The following OTOG variants were observed in gnomAD, a reference collection of about 807,000 sequenced individuals.
The protein encoded by OTOG is otogelin.
A neutral mutation model predicts 313.8 loss-of-function variants in OTOG; 296 were observed. That is an observed-to-expected ratio of 0.94 (90% CI 0.86 to 1.04). OTOG has a LOEUF of 1.04. OTOG is among the 50% of genes least tolerant of loss of function. The probability of loss-of-function intolerance (pLI) is 0.00; values close to 1 mark genes in which losing one functional copy is unlikely to be tolerated. For synonymous variants in OTOG, 1,533 were observed against 1,554.9 expected (o/e 0.99, Z 0.33); for missense variants, 3,948 against 3,840.1 (o/e 1.03, Z -0.74).
Position 17,641,680 on chromosome 11 carries a change from A to G in OTOG, c.8191-167A>G, listed in dbSNP as rs142582530. Among the ~76,000 whole-genome samples, 6 of 152,234 alleles carry G rather than the reference A, an allele frequency of 3.9e-5. No homozygotes were observed. The East Asian group carries it at 1.2e-3, about 29-fold the overall frequency. ...GCTGTAAGGGAGGCTCAGGGTAGAT[A>G]CAGGGATGATTAGCTGCCTGTGACA... On this transcript the variant is annotated intron_variant, in intron 51 of 55. Transcript: ENST00000399397.
At chr11:17,617,615 G>T (rs534174927) in intron 39 of OTOG, among the ~76,000 whole-genome samples, 5 of 152,126 alleles carry the variant, frequency 3.3e-5, no homozygotes, top group African/African-American at 4.8e-5. Context: ...ATATATTCTT[G>T]CTATACTTTT....
At chr11:17,618,477 G>T (rs1022531505) in intron 39 of OTOG, among the ~76,000 whole-genome samples, 1 of 152,034 alleles carries the variant, frequency 6.6e-6, no homozygotes. Context: ...TTTACATTTA[G>T]TAAGATTTAT....
chr11:17,634,739 TG>T, intron 44 of OTOG, 104 bp from the exon 45 acceptor site: 1 of 901,380 alleles, frequency 1.1e-6, no homozygotes, highest in Non-Finnish European at 1.7e-6. Context: ...GGGGGAGGAG[TG>T]GGGCCAGGCG....
At chr11:17,637,766 G>A (rs529391103) in intron 47 of OTOG, among the ~76,000 whole-genome samples, 1 of 152,190 alleles carries the variant, frequency 6.6e-6, no homozygotes, top group African/African-American at 2.4e-5. Flanking sequence ...CCATAAAAAT[G>A]CCCTCCCTCA....
At chr11:17,587,938 C>T (rs1361317460) in intron 24 of OTOG, among the ~76,000 whole-genome samples, 1 of 152,148 alleles carries the variant, frequency 6.6e-6, no homozygotes, top group African/African-American at 2.4e-5. Flanking sequence ...GGACTCCAGC[C>T]CCTGTAGCAG....
rs953872223 is a variant in OTOG at position 17,635,604 on chromosome 11, C to T, written c.7694-6C>T. On this transcript the variant is annotated splice_polypyrimidine_tract_variant and splice_region_variant and intron_variant, in intron 46 of 55. Coordinates refer to ENST00000399397, the MANE Select transcript of OTOG (RefSeq NM_001292063.2). Reference sequence around the variant, plus strand: ...CTGTGACAGCATTGACCCTCTTCCCCCTCAGCCTGTGGTGACTGTCCAGAC... The same window carrying T: ...CTGTGACAGCATTGACCCTCTTCCCTCTCAGCCTGTGGTGACTGTCCAGAC... The T allele has an allele frequency of 1.3e-6, 2 of 1,549,166 alleles. No homozygotes were observed. Among genetic ancestry groups the T allele is most frequent in the African/African-American group, 2.7e-5 (2 of 73,022 alleles).
At chr11:17,548,331 C>G in intron 3 of OTOG, 119 bp downstream of exon 3, 1 of 741,256 alleles carries the variant, frequency 1.3e-6, no homozygotes, top group Admixed American at 3.3e-5. Context: ...CAGAAAGGAA[C>G]AAGCAGATTC....
At chr11:17,606,735 G>A (rs768481595) in intron 33 of OTOG, among the ~76,000 whole-genome samples, 1 of 152,214 alleles carries the variant, frequency 6.6e-6, no homozygotes, top group Non-Finnish European at 1.5e-5. Flanking sequence ...CTTGCATGGG[G>A]CTTGGGGGTA....
In OTOG at chr11:17,593,723, C is replaced by G; in HGVS notation, c.3255C>G (p.Thr1085=). Residue 1085 remains threonine, a synonymous_variant, in exon 27 of 56, where the codon ACC becomes ACG. Transcript: ENST00000399397. ...EHITLLWDQR[T]TVHVQAGPQW... ...TCACCCTCTTGTGGGACCAGAGAAC[C>G]ACAGTGCACGTCCAGGCTGGGCCTC... 6.5e-7 allele frequency: 1 copy of G among 1,548,770 alleles called. No individual in the cohort carries two copies.
At position 17,559,192 on chromosome 11, in the gene OTOG, G is replaced by A. The variant is rs1372865835; in HGVS notation, c.1213+31G>A. ...TGCAGCCCAGTAGTGGGGCAGGGAG[G>A]CCTTCAGGCTGTGGGTGGCATTCTC... is the stretch of plus-strand genomic sequence containing the variant. On this transcript the variant is annotated intron_variant, in intron 11 of 55. Transcript: ENST00000399397. 7 of 1,477,054 alleles carry A rather than the reference G, an allele frequency of 4.7e-6. No homozygotes were observed. The East Asian group carries it at 1.2e-4, about 26-fold the overall frequency. 91.5% of individuals were successfully genotyped at this position (1,477,054 alleles called of 1,614,324 possible).
Position 17,609,972 on chromosome 11 carries a change from C to G in OTOG, c.4672C>G (p.Leu1558Val). 1 of 1,543,168 alleles carries G rather than the reference C, an allele frequency of 6.5e-7. No homozygotes were observed. The highest frequency in any genetic ancestry group is 8.8e-7 in the Non-Finnish European group (1 of 1,142,314). The change falls in exon 36 of 56, where the codon CTC (leucine) becomes GTC (valine). Residue 1558 changes from leucine to valine, a missense_variant. Coordinates refer to ENST00000399397, the MANE Select transcript of OTOG (RefSeq NM_001292063.2). ...AGCCAGCAAGGGAGTGACTGCCAGC[C>G]TCCTGGCCATCCCCCATACACCAGA... is the stretch of plus-strand genomic sequence containing the variant. ...SPASKGVTASLLAIPHTPESS... is the reference protein window; with the variant it reads ...SPASKGVTASVLAIPHTPESS...
intron 51 of OTOG, 28 bp downstream of exon 51, chr11:17,641,119 T>C: frequency 1.3e-5 from 1 of 74,706 alleles, no homozygotes; most frequent in Admixed American, 2.7e-4. Context: ...GCGGGGTGGG[T>C]GGGGTTGGGA....
At chr11:17,593,035 T>C (rs1371106481) in intron 25 of OTOG, among the ~76,000 whole-genome samples, 158 bp from the exon 26 acceptor site, 4 of 152,274 alleles carry the variant, frequency 2.6e-5, no homozygotes, top group Non-Finnish European at 5.9e-5. Context: ...CCAGAACAGC[T>C]TCAGAGAACA....
intron 14 of OTOG, 73 bp downstream of exon 14, chr11:17,561,210 G>C: frequency 1.3e-6 from 2 of 1,513,842 alleles, no homozygotes; most frequent in Non-Finnish European, 1.8e-6. Flanking sequence ...GGAATCTCTG[G>C]GGGCCAGGCT....
At chr11:17,567,518 T>G (rs1475105004) in intron 15 of OTOG, among the ~76,000 whole-genome samples, 3 of 152,224 alleles carry the variant, frequency 2.0e-5, no homozygotes, top group Non-Finnish European at 4.4e-5. Context: ...TTTTTATTTT[T>G]TATTTTTGTA....
At chr11:17,572,690 C>T (rs1852430884) in intron 18 of OTOG, among the ~76,000 whole-genome samples, 1 of 152,254 alleles carries the variant, frequency 6.6e-6, no homozygotes, top group Non-Finnish European at 1.5e-5. Flanking sequence ...GCTCAAACCT[C>T]ATTCCCTCAC....
chr11:17,607,045 T>C (rs1199888528), intron 33 of OTOG, among the ~76,000 whole-genome samples: 1 of 152,174 alleles, frequency 6.6e-6, no homozygotes, highest in Non-Finnish European at 1.5e-5. Flanking sequence ...CTGACCCTGG[T>C]CCTAGACCCT....
chr11:17,645,668 G>A, intron 55 of OTOG, 25 bp downstream of exon 55: 3 of 1,550,666 alleles, frequency 1.9e-6, no homozygotes, highest in Non-Finnish European at 2.6e-6. Flanking sequence ...CAAGGCAGTG[G>A]GGCAGCAAAA....
Position 17,610,643 on chromosome 11 carries a change from G to C in OTOG, c.5343G>C (p.Gly1781=), listed in dbSNP as rs372108333. The C allele has an allele frequency of 6.4e-7, 1 of 1,550,598 alleles. No individual in the cohort carries two copies. Among genetic ancestry groups the C allele is most frequent in the African/African-American group, 1.4e-5 (1 of 73,140 alleles). The part of the protein sequence containing the change: ...AAASLSTATD[G]LAATPFMSLE... ...CCAGCCTGTCAACAGCCACTGATGG[G>C]CTGGCAGCCACACCCTTCATGTCCC... Residue 1781 remains glycine (G), a synonymous_variant, in exon 36 of 56, where the codon GGG becomes GGC. Transcript: ENST00000399397.
Sources: allele counts gnomAD v4.1 joint callset (sites outside exome capture counted in the v4.1 genomes callset), GRCh38; gene constraint gnomAD v4.1.1; transcripts MANE v1.5; gene names NCBI Gene and HGNC (gene_info 2026-07-23, HGNC 2026-07-21).